The following TDO2 variants were observed in gnomAD, a reference collection of about 807,000 sequenced individuals.
The protein encoded by TDO2 is tryptamin 2,3-dioxygenase.
Under a neutral mutation model 61.2 loss-of-function variants are expected in TDO2, and 63 were observed. That is an observed-to-expected ratio of 1.03 (90% CI 0.84 to 1.27). The LOEUF (loss-of-function observed/expected upper bound fraction) is 1.27. Among genes scored for constraint, TDO2 ranks in the 50% most tolerant of loss-of-function variants. The pLI, the probability that TDO2 is intolerant of heterozygous loss-of-function variation, is 0.00. For synonymous variants in TDO2, 183 were observed against 164.0 expected (o/e 1.12, Z -0.89); for missense variants, 494 against 469.5 (o/e 1.05, Z -0.48).
chr4:155,905,390 C>A, intron 3 of TDO2: 1 of 393,790 alleles, frequency 2.5e-6, no homozygotes, highest in Non-Finnish European at 4.5e-6. Context: ...TAGCTTTGTT[C>A]TTAACTCCAA....
Position 155,914,358 on chromosome 4 carries a change from G to A in TDO2, c.762G>A (p.Val254=), listed in dbSNP as rs1399927736. The A allele has an allele frequency of 1.9e-6, 3 of 1,608,938 alleles. No homozygotes were observed. Among genetic ancestry groups the A allele is most frequent in the Admixed American group, 1.7e-5 (1 of 58,534 alleles). The part of the protein sequence containing the change: ...KEESEEKEEQ[V]AEFQKQKEVL... ...AGTCTGAAGAAAAAGAGGAACAGGT[G>A]GCTGAATTTCAGAAGCAAAAAGAGG... The change falls in exon 8 of 12, where the codon GTG becomes GTA. Residue 254 remains valine, a synonymous_variant. Transcript: ENST00000536354.
chr4:155,918,521 C>T (rs924091790), intron 11 of TDO2, among the ~76,000 whole-genome samples: 1 of 152,170 alleles, frequency 6.6e-6, no homozygotes, highest in Non-Finnish European at 1.5e-5. Flanking sequence ...TACATCCAGG[C>T]AGAAAAGTCT....
At chr4:155,904,984 C>A in intron 2 of TDO2, 83 bp from the exon 3 acceptor site, 2 of 903,482 alleles carry the variant, frequency 2.2e-6, no homozygotes, top group Non-Finnish European at 1.6e-6. Context: ...GAGCATTTGT[C>A]ATTATCATAT....
At chr4:155,917,529 T>G in intron 10 of TDO2, 55 bp downstream of exon 10, 1 of 1,451,172 alleles carries the variant, frequency 6.9e-7, no homozygotes, top group African/African-American at 1.4e-5. Context: ...TCCTGTGCTC[T>G]TTATCTTGGT....
rs77984239 is a variant in TDO2 at position 155,917,383 on chromosome 4, T to G, written c.897-12T>G. 0.042 allele frequency: 66,476 copies of G among 1,600,314 alleles called. 1,626 individuals are homozygous for G. The highest frequency in any genetic ancestry group is 0.05 in the Non-Finnish European group (58,503 of 1,174,086). On this transcript the variant is annotated splice_polypyrimidine_tract_variant and intron_variant, in intron 9 of 11. Coordinates refer to ENST00000536354, the MANE Select transcript of TDO2 (RefSeq NM_005651.4). ...TGAATATATTCTTCTTTTTCTTCTT[T>G]TTTTCCTTTAGGGAAGAGCCTAGGT... is the stretch of plus-strand genomic sequence containing the variant.
At position 155,920,079 on chromosome 4, in the gene TDO2, T is replaced by C. The variant is rs573370490; in HGVS notation, c.*89T>C. 3.6e-5 allele frequency: 43 copies of C among 1,185,760 alleles called. No individual in the cohort carries two copies. The highest frequency in any genetic ancestry group is 1.3e-4 in the South Asian group (10 of 75,182). The allele number at this position is 1,185,760 out of a possible 1,614,324, so 73.5% of individuals were successfully genotyped here. ...TTCATAAATACAGTTTGAATATATG[T>C]ATGCATATATTGTTCAGCACCACGA... On this transcript the variant is annotated 3_prime_UTR_variant, in exon 12 of 12. Transcript: ENST00000536354.
chr4:155,915,742 T>G (rs1742919279), intron 8 of TDO2, 113 bp from the exon 9 acceptor site: 1 of 759,620 alleles, frequency 1.3e-6, no homozygotes, highest in African/African-American at 1.8e-5. Flanking sequence ...CTGAAACTTA[T>G]ATTGATTTCT....
chr4:155,914,284 T>C, intron 7 of TDO2, 39 bp from the exon 8 acceptor site: 1 of 1,468,430 alleles, frequency 6.8e-7, no homozygotes, highest in Non-Finnish European at 9.3e-7. Context: ...AATCTACTTA[T>C]TCTCTCTCAG....
In TDO2 at chr4:155,917,444, G is replaced by A. The variant is rs563174920; in HGVS notation, c.946G>A (p.Asp316Asn). ...VPFQLLTSLM[D>N]IDSLMTKWRY... Reference sequence around the variant, plus strand: ...TTTTCAGTTGCTGACTTCTCTTATGGACATAGATTCACTGATGACCAAATG... The same window carrying A: ...TTTTCAGTTGCTGACTTCTCTTATGAACATAGATTCACTGATGACCAAATG... Residue 316 changes from aspartate to asparagine, a missense_variant, in exon 10 of 12, where the codon GAC becomes AAC. By Grantham distance (23) the Asp-to-Asn change is conservative. Coordinates refer to ENST00000536354, the MANE Select transcript of TDO2 (RefSeq NM_005651.4). 3.1e-5 allele frequency: 50 copies of A among 1,611,150 alleles called. 1 individual carries two copies. In the South Asian group the frequency reaches 5.2e-4, roughly 17 times the overall value.
chr4:155,908,548 C>T (rs563226184), intron 4 of TDO2, among the ~76,000 whole-genome samples: 1 of 152,170 alleles, frequency 6.6e-6, no homozygotes, highest in Admixed American at 6.5e-5. Flanking sequence ...TTGTTTAACC[C>T]TCACTCAGAA....
At position 155,916,312 on chromosome 4, in the gene TDO2, C is replaced by A. The variant is rs971395562; in HGVS notation, c.896+400C>A. 1.7e-4 allele frequency among the ~76,000 whole-genome samples: 24 copies of A among 145,018 alleles called. No homozygotes were observed. The East Asian group carries it at 1.8e-3, about 11-fold the overall frequency. ...CCTCCCGAGTAGCTGGGACTACAGGCGCCCACCACCACGCCAGGCTAATTT... is the reference window on the plus strand; with the variant it reads ...CCTCCCGAGTAGCTGGGACTACAGGAGCCCACCACCACGCCAGGCTAATTT... On this transcript the variant is annotated intron_variant, in intron 9 of 11. Coordinates refer to ENST00000536354, the MANE Select transcript of TDO2 (RefSeq NM_005651.4).
chr4:155,914,418 A>G lies in TDO2; in HGVS notation c.822A>G (p.Glu274=). The G allele has an allele frequency of 2.5e-6, 4 of 1,595,250 alleles. No individual in the cohort carries two copies. Among genetic ancestry groups the G allele is most frequent in the Non-Finnish European group, 3.4e-6 (4 of 1,175,330 alleles). ...CCTTATTTGATGAGAAACGTCATGA[A>G]CATCTCCTTAGTAAAGGCAGGTATT... is the stretch of plus-strand genomic sequence containing the variant. ...LLSLFDEKRH[E]HLLSKGERRL... The change falls in exon 8 of 12, where the codon GAA becomes GAG. Residue 274 remains glutamate, a synonymous_variant. Coordinates refer to ENST00000536354, the MANE Select transcript of TDO2 (RefSeq NM_005651.4).
At chr4:155,904,948 G>T in intron 2 of TDO2, 119 bp from the exon 3 acceptor site, 1 of 620,518 alleles carries the variant, frequency 1.6e-6, no homozygotes, top group Non-Finnish European at 2.8e-6. Flanking sequence ...AAACTAGATT[G>T]GTTTCTGAGA....
chr4:155,914,516 C>A, intron 8 of TDO2, 82 bp downstream of exon 8: 1 of 918,366 alleles, frequency 1.1e-6, no homozygotes, highest in African/African-American at 1.8e-5. Context: ...ACTATCAAGC[C>A]TTACTTGGGA....
At chr4:155,915,694 A>G (rs189385750) in intron 8 of TDO2, among the ~76,000 whole-genome samples, 161 bp from the exon 9 acceptor site, 1 of 152,198 alleles carries the variant, frequency 6.6e-6, no homozygotes, top group Non-Finnish European at 1.5e-5. Context: ...TTTAAGTGAT[A>G]TGTTTACAAA....
At chr4:155,914,617 C>G (rs1262232788) in intron 8 of TDO2, among the ~76,000 whole-genome samples, 183 bp downstream of exon 8, 1 of 151,936 alleles carries the variant, frequency 6.6e-6, no homozygotes, top group Non-Finnish European at 1.5e-5. Flanking sequence ...GTTTCCATGC[C>G]CAGATTATTT....
intron 7 of TDO2, among the ~76,000 whole-genome samples, chr4:155,912,557 C>T (rs375325446): frequency 6.6e-6 from 1 of 152,106 alleles, no homozygotes; most frequent in Non-Finnish European, 1.5e-5. Context: ...ATGTTTGCTT[C>T]TAATTCTCTG....
At position 155,915,900 on chromosome 4, in the gene TDO2, T is replaced by C. The variant is rs1460057192; in HGVS notation, c.884T>C (p.Ile295Thr). 3.1e-6 allele frequency: 5 copies of C among 1,608,398 alleles called. No homozygotes were observed. The highest frequency in any genetic ancestry group is 1.1e-5 in the South Asian group (1 of 89,904). ...AGAGCACTTCAGGGAGCATTGATGATATATTTTTACAGGTAAAGCAAATCC... is the reference window on the plus strand; with the variant it reads ...AGAGCACTTCAGGGAGCATTGATGACATATTTTTACAGGTAAAGCAAATCC... ...SYRALQGALM[I>T]YFYREEPRFQ... is the part of the protein sequence containing the mutation. The change falls in exon 9 of 12, where the codon ATA becomes ACA. Residue 295 changes from isoleucine (I) to threonine (T), a missense_variant. Ile to Thr is a moderately conservative substitution (Grantham distance 89). Transcript: ENST00000536354.
intron 7 of TDO2, among the ~76,000 whole-genome samples, chr4:155,912,795 C>T (rs1742859175): frequency 6.6e-6 from 1 of 152,064 alleles, no homozygotes; most frequent in African/African-American, 2.4e-5. Context: ...GTATATAATA[C>T]CTTACTTGAT....
Sources: gnomAD v4.1 joint callset for allele counts (sites outside exome capture counted in the v4.1 genomes callset) on GRCh38, gnomAD v4.1.1 for gene constraint, MANE v1.5 for transcripts, NCBI Gene and HGNC (gene_info 2026-07-23, HGNC 2026-07-21) for gene names.